PLPP4: variants seen among roughly 807,000 people sequenced by gnomAD.
PLPP4 encodes diacylglycerol pyrophosphate like 2.
PLPP4 carries 20 observed loss-of-function variants against 32.2 expected under a neutral mutation model. The observed-to-expected ratio is 0.62, with a 90% CI of 0.44 to 0.90. PLPP4 has a LOEUF of 0.90. PLPP4 is among the 40% of genes least tolerant of loss of function. The pLI is 0.00. For synonymous variants in PLPP4, 127 were observed against 133.0 expected (o/e 0.95, Z 0.31); for missense variants, 257 against 353.1 (o/e 0.73, Z 2.18).
At chr10:120,567,735 A>C (rs1050661268) in intron 5 of PLPP4, among the ~76,000 whole-genome samples, 12 of 152,178 alleles carry the variant, frequency 7.9e-5, no homozygotes, top group African/African-American at 2.9e-4. Context: ...CAAAAGTTAC[A>C]AGAGATGAAA....
chr10:120,470,283 T>C (rs1848459591), intron 1 of PLPP4, among the ~76,000 whole-genome samples: 1 of 152,242 alleles, frequency 6.6e-6, no homozygotes, highest in Non-Finnish European at 1.5e-5. Flanking sequence ...TGTGTTTCTA[T>C]TGGATCTCTG....
chr10:120,464,173 G>A (rs1192517016), intron 1 of PLPP4, among the ~76,000 whole-genome samples: 14 of 152,142 alleles, frequency 9.2e-5, no homozygotes, highest in Admixed American at 9.2e-4. Flanking sequence ...TTCAGTCATT[G>A]TTCCTCCTTC....
chr10:120,537,424 G>A (rs181011433), intron 5 of PLPP4, among the ~76,000 whole-genome samples: 44 of 152,264 alleles, frequency 2.9e-4, no homozygotes, highest in Admixed American at 2.2e-3. Flanking sequence ...TACGCTAAGC[G>A]AAATAAGCCA....
intron 5 of PLPP4, 76 bp from the exon 6 acceptor site, chr10:120,575,055 A>G: frequency 6.7e-7 from 1 of 1,497,882 alleles, no homozygotes. Flanking sequence ...AAGACGGCAG[A>G]CGGAATGCCC....
intron 5 of PLPP4, among the ~76,000 whole-genome samples, chr10:120,526,101 G>T (rs1038327220): frequency 5.9e-5 from 9 of 151,498 alleles, no homozygotes; most frequent in African/African-American, 2.2e-4. Flanking sequence ...CATCCATCAG[G>T]GAGACTTTAA....
At chr10:120,513,197 C>T (rs946870154) in intron 2 of PLPP4, among the ~76,000 whole-genome samples, 3 of 152,184 alleles carry the variant, frequency 2.0e-5, no homozygotes, top group Non-Finnish European at 4.4e-5. Context: ...GTTGTATGTT[C>T]CCAGGCACAT....
intron 6 of PLPP4, among the ~76,000 whole-genome samples, 174 bp downstream of exon 6, chr10:120,575,475 GT>G (rs1294922677): frequency 3.7e-4 from 56 of 152,320 alleles, no homozygotes; most frequent in African/African-American, 1.3e-3. Flanking sequence ...TTCAAGTGAG[GT>G]CTGGCCTTCC....
At chr10:120,479,643 C>A (rs1844107550) in intron 1 of PLPP4, among the ~76,000 whole-genome samples, 1 of 152,208 alleles carries the variant, frequency 6.6e-6, no homozygotes, top group South Asian at 2.1e-4. Flanking sequence ...TCTGGCTCAC[C>A]ATGGTGTGCA....
chr10:120,531,347 G>A (rs911301789), intron 5 of PLPP4, among the ~76,000 whole-genome samples: 3 of 151,894 alleles, frequency 2.0e-5, no homozygotes, highest in African/African-American at 7.3e-5. Flanking sequence ...CTCATGATCC[G>A]ACCGCCTCAG....
At chr10:120,540,438 G>C (rs1387943235) in intron 5 of PLPP4, among the ~76,000 whole-genome samples, 1 of 152,162 alleles carries the variant, frequency 6.6e-6, no homozygotes, top group Non-Finnish European at 1.5e-5. Flanking sequence ...ATACCTACTA[G>C]GTTTATGTTT....
intron 6 of PLPP4, among the ~76,000 whole-genome samples, chr10:120,588,232 A>G (rs1030653897): frequency 6.6e-6 from 1 of 152,214 alleles, no homozygotes; most frequent in African/African-American, 2.4e-5. Context: ...ACACACACAG[A>G]TACTAAGCGA....
intron 5 of PLPP4, among the ~76,000 whole-genome samples, chr10:120,544,516 C>T (rs1486172290): frequency 6.6e-6 from 1 of 152,170 alleles, no homozygotes; most frequent in Non-Finnish European, 1.5e-5. Flanking sequence ...CCAGCTCACA[C>T]CCCCACCTTC....
At chr10:120,556,348 G>A (rs757096987) in intron 5 of PLPP4, among the ~76,000 whole-genome samples, 14 of 152,124 alleles carry the variant, frequency 9.2e-5, no homozygotes, top group Admixed American at 5.2e-4. Flanking sequence ...TGATTTTTCT[G>A]ATGTTTGTTC....
chr10:120,520,968 T>C lies in PLPP4; in HGVS notation c.321-3T>C. The C allele has an allele frequency of 6.2e-7, 1 of 1,614,084 alleles. No individual in the cohort carries two copies. The highest frequency in any genetic ancestry group is 8.5e-7 in the Non-Finnish European group (1 of 1,179,996). On this transcript the variant is annotated splice_polypyrimidine_tract_variant and splice_region_variant and intron_variant, in intron 4 of 6. Coordinates refer to ENST00000398250, the MANE Select transcript of PLPP4 (RefSeq NM_001030059.3). The stretch of plus-strand genomic sequence containing the variant: ...TTGAAAATGTCCATGGTGTCTTTTG[T>C]AGACCTCGCCCCGATTTCTTTTACC...
chr10:120,572,789 C>T (rs1471820689), intron 5 of PLPP4, among the ~76,000 whole-genome samples: 1 of 152,290 alleles, frequency 6.6e-6, no homozygotes, highest in Non-Finnish European at 1.5e-5. Flanking sequence ...AGGAACAGAG[C>T]AAAGGGGATG....
intron 5 of PLPP4, among the ~76,000 whole-genome samples, chr10:120,574,416 G>T (rs1849114531): frequency 1.3e-5 from 2 of 151,858 alleles, no homozygotes; most frequent in Admixed American, 6.6e-5. Flanking sequence ...AAAGCTTGGG[G>T]CTTATACATG....
intron 6 of PLPP4, among the ~76,000 whole-genome samples, chr10:120,583,615 G>A (rs1358278937): frequency 6.6e-6 from 1 of 152,114 alleles, no homozygotes; most frequent in Non-Finnish European, 1.5e-5. Flanking sequence ...TGTGCCTCAG[G>A]CTCTGGCAAC....
chr10:120,510,643 T>C (rs1027822436), intron 2 of PLPP4, among the ~76,000 whole-genome samples: 49 of 152,254 alleles, frequency 3.2e-4, no homozygotes, highest in African/African-American at 1.1e-3. Flanking sequence ...AGTGAGGTGG[T>C]GGGGTGCTTA....
intron 5 of PLPP4, among the ~76,000 whole-genome samples, chr10:120,552,137 A>G (rs1847929438): frequency 6.9e-6 from 1 of 145,098 alleles, no homozygotes; most frequent in African/African-American, 2.5e-5. Context: ...GGTGATAATG[A>G]TGGTGATTGT....
Sources: allele counts gnomAD v4.1 joint callset (sites outside exome capture counted in the v4.1 genomes callset), GRCh38; gene constraint gnomAD v4.1.1; transcripts MANE v1.5; gene names NCBI Gene and HGNC (gene_info 2026-07-23, HGNC 2026-07-21).